The following KLRK1 variants were observed in gnomAD, a reference collection of about 807,000 sequenced individuals.
KLRK1 encodes the protein killer cell lectin like receptor K1.
KLRK1 carries 40 observed loss-of-function variants against 31.3 expected under a neutral mutation model. The ratio of observed to expected loss-of-function variants is 1.28; its 90% CI spans 0.99 to 1.67. KLRK1 has a LOEUF of 1.67. KLRK1 is among the 40% of genes most tolerant of loss of function. The pLI, the probability that KLRK1 is intolerant of heterozygous loss-of-function variation, is 0.00. For missense variants in KLRK1, 251 were observed against 260.0 expected (o/e 0.97, Z 0.24); for synonymous variants, 77 against 77.3 (o/e 1.00, Z 0.02).
rs1190138884 is a variant in KLRK1, at chr12:10,378,112, T to TC, written c.533+19dup. On this transcript the variant is annotated intron_variant, in intron 7 of 7. Coordinates refer to ENST00000240618, the MANE Select transcript of KLRK1 (RefSeq NM_007360.4). ...AGGAAAAAAATTAAAAAGAAGAGAC[T>TC]CATTGGGTCAGAGACTTACAGGTTG... 1.9e-6 allele frequency: 3 copies of TC among 1,599,898 alleles called. No homozygotes were observed. Among genetic ancestry groups the TC allele is most frequent in the Non-Finnish European group, 2.6e-6 (3 of 1,174,978 alleles).
intron 7 of KLRK1, 65 bp from the exon 8 acceptor site, chr12:10,373,296 C>A: frequency 7.2e-7 from 1 of 1,386,522 alleles, no homozygotes; most frequent in South Asian, 1.4e-5. Flanking sequence ...AAAAATGAAT[C>A]ATACCTATTG....
chr12:10,377,631 A>T (rs1669904811), intron 7 of KLRK1, among the ~76,000 whole-genome samples: 1 of 152,240 alleles, frequency 6.6e-6, no homozygotes, highest in African/African-American at 2.4e-5. Flanking sequence ...AGGTAAGGAC[A>T]TAGGGACACA....
chr12:10,379,528 TTATAG>T (rs753169996), intron 4 of KLRK1, 46 bp from the exon 5 acceptor site: 31 of 1,360,764 alleles, frequency 2.3e-5, no homozygotes, highest in East Asian at 9.9e-5. Flanking sequence ...TGTTAGTAAC[TTATAG>T]TATAAGCAAA....
chr12:10,373,720 A>ATGTT (rs1862905977), intron 7 of KLRK1, among the ~76,000 whole-genome samples: 1 of 146,642 alleles, frequency 6.8e-6, no homozygotes. Flanking sequence ...GTGTGTGCAT[A>ATGTT]TGTTTAGGCA....
intron 3 of KLRK1, among the ~76,000 whole-genome samples, chr12:10,381,206 T>C (rs1382265): frequency 0.75 from 112,989 of 151,240 alleles, 43,072 homozygotes; most frequent in South Asian, 0.88. Flanking sequence ...GCAATCCCAC[T>C]TTCTCCAGCA....
intron 3 of KLRK1, among the ~76,000 whole-genome samples, chr12:10,383,778 CA>C (rs1863118877): frequency 6.6e-6 from 1 of 151,956 alleles, no homozygotes; most frequent in African/African-American, 2.4e-5. Flanking sequence ...TTCCAAAAGT[CA>C]ATATTATATC....
intron 3 of KLRK1, among the ~76,000 whole-genome samples, chr12:10,386,287 T>C (rs1046130366): frequency 6.6e-6 from 1 of 152,120 alleles, no homozygotes; most frequent in Non-Finnish European, 1.5e-5. Context: ...TTGGTAACAA[T>C]TGAATATTTT....
At position 10,373,044 on chromosome 12, in the gene KLRK1, C is replaced by G. The variant is rs1197802153; in HGVS notation, c.*70G>C. Reference sequence around the variant, plus strand: ...TGTTTTTGTTTGTTTCCTTTAGTCTCAGTTGGCAGTGTTACCGCTGGTGTA... The same window carrying G: ...TGTTTTTGTTTGTTTCCTTTAGTCTGAGTTGGCAGTGTTACCGCTGGTGTA... On this transcript the variant is annotated 3_prime_UTR_variant, in exon 8 of 8. Transcript: ENST00000240618. 7.4e-7 allele frequency: 1 copy of G among 1,356,102 alleles called. No homozygotes were observed. Among genetic ancestry groups the G allele is most frequent in the East Asian group, 2.4e-5 (1 of 42,386 alleles). The allele number at this position is 1,356,102 out of a possible 1,614,324, so 84.0% of individuals were successfully genotyped here.
At chr12:10,386,371 T>G (rs1863167765) in intron 3 of KLRK1, among the ~76,000 whole-genome samples, 1 of 152,120 alleles carries the variant, frequency 6.6e-6, no homozygotes, top group African/African-American at 2.4e-5. Context: ...TGCTATTTGT[T>G]AATAATTTGT....
intron 3 of KLRK1, among the ~76,000 whole-genome samples, chr12:10,385,889 A>G (rs1220267014): frequency 6.6e-6 from 1 of 152,034 alleles, no homozygotes; most frequent in Admixed American, 6.5e-5. Context: ...TATAATTATT[A>G]CATGCCAACT....
chr12:10,379,856 T>TA (rs1863037953), intron 3 of KLRK1, 64 bp from the exon 4 acceptor site: 1 of 1,409,906 alleles, frequency 7.1e-7, no homozygotes, highest in Non-Finnish European at 9.5e-7. Context: ...TCTTTGTATT[T>TA]AATATAAATA....
At chr12:10,379,905 T>C (rs1863038713) in intron 3 of KLRK1, 113 bp from the exon 4 acceptor site, 1 of 945,914 alleles carries the variant, frequency 1.1e-6, no homozygotes, top group Non-Finnish European at 1.5e-6. Context: ...TTGATCCTTT[T>C]TCTGCCTTAA....
intron 7 of KLRK1, among the ~76,000 whole-genome samples, chr12:10,375,032 TG>T (rs1862938088): frequency 1.1e-5 from 1 of 88,940 alleles, no homozygotes; most frequent in African/African-American, 3.7e-5. Context: ...AGAGAATCAA[TG>T]TTTTTTCTGT....
Position 10,372,998 on chromosome 12 carries a change from C to T in KLRK1, c.*116G>A, listed in dbSNP as rs1375287747. ...GTCCTGTGGAGTCTAAGAAATCTGA[C>T]AGTCTTTGGTCATTTTGTCCTGTTT... On this transcript the variant is annotated 3_prime_UTR_variant, in exon 8 of 8. Transcript: ENST00000240618. 7.0e-6 allele frequency: 6 copies of T among 852,376 alleles called. No homozygotes were observed. Among genetic ancestry groups the T allele is most frequent in the South Asian group, 1.6e-5 (1 of 63,978 alleles). 52.8% of individuals were successfully genotyped at this position (852,376 alleles called of 1,614,324 possible). A position where few individuals can be genotyped will look rare whatever the true frequency, so the allele number is the denominator to read the frequency against.
intron 2 of KLRK1, among the ~76,000 whole-genome samples, chr12:10,387,644 C>T (rs1863193548): frequency 6.6e-6 from 1 of 151,188 alleles, no homozygotes; most frequent in African/African-American, 2.4e-5. Context: ...CTCCTGGGTT[C>T]AAGCGGTTCT....
intron 3 of KLRK1, among the ~76,000 whole-genome samples, chr12:10,381,370 A>G (rs1863071886): frequency 6.6e-6 from 1 of 152,246 alleles, no homozygotes; most frequent in Non-Finnish European, 1.5e-5. Flanking sequence ...ATTCATCACC[A>G]CTAGACTAGC....
chr12:10,379,814 G>C (rs367583023), intron 3 of KLRK1, 22 bp from the exon 4 acceptor site: 1 of 1,603,618 alleles, frequency 6.2e-7, no homozygotes, highest in African/African-American at 1.3e-5. Flanking sequence ...AAAAGACACA[G>C]ATCAGAGAAA....
chr12:10,375,357 T>C (rs1862945300), intron 7 of KLRK1, among the ~76,000 whole-genome samples: 1 of 152,202 alleles, frequency 6.6e-6, no homozygotes, highest in African/African-American at 2.4e-5. Flanking sequence ...ATTATTCATT[T>C]TGTAACTTAA....
chr12:10,387,617 C>T (rs556926092), intron 2 of KLRK1, among the ~76,000 whole-genome samples: 2 of 150,552 alleles, frequency 1.3e-5, no homozygotes, highest in African/African-American at 2.4e-5. Flanking sequence ...GTGATATTGG[C>T]TCACTGCAAC....
Sources: allele counts gnomAD v4.1 joint callset (sites outside exome capture counted in the v4.1 genomes callset), GRCh38; gene constraint gnomAD v4.1.1; transcripts MANE v1.5; gene names NCBI Gene and HGNC (gene_info 2026-07-23, HGNC 2026-07-21).